The following RBKS variants were observed in gnomAD, a reference collection of about 807,000 sequenced individuals.
The protein encoded by RBKS is ribokinase.
In RBKS, 33 loss-of-function variants were observed where a neutral mutation model predicts 33.9. The ratio of observed to expected loss-of-function variants is 0.97; its 90% CI spans 0.74 to 1.30. The LOEUF is 1.30. Ranked by LOEUF, RBKS falls within the 50% of genes most tolerant of loss-of-function variation. RBKS has a pLI of 0.00. For synonymous variants in RBKS, 125 were observed against 143.0 expected (o/e 0.87, Z 0.90); for missense variants, 361 against 392.6 (o/e 0.92, Z 0.68).
chr2:27,872,519 A>C (rs575669215), intron 1 of RBKS, among the ~76,000 whole-genome samples: 1 of 152,310 alleles, frequency 6.6e-6, no homozygotes, highest in South Asian at 2.1e-4. Flanking sequence ...AAAATTAAAA[A>C]ATAAAAAAGC....
At chr2:27,838,154 C>A (rs1678564396) in intron 5 of RBKS, among the ~76,000 whole-genome samples, 1 of 152,110 alleles carries the variant, frequency 6.6e-6, no homozygotes, top group Admixed American at 6.5e-5. Context: ...GAGCTGAGAT[C>A]ATGCCACTGC....
chr2:27,793,404 A>G (rs1677575403), intron 7 of RBKS, among the ~76,000 whole-genome samples: 2 of 152,196 alleles, frequency 1.3e-5, no homozygotes, highest in South Asian at 4.1e-4. Flanking sequence ...GCTAGGCACC[A>G]CCTTAACCAA....
intron 1 of RBKS, chr2:27,861,362 C>G (rs776782082): frequency 4.8e-5 from 20 of 415,628 alleles, no homozygotes; most frequent in Non-Finnish European, 9.1e-5. Context: ...CAGGGGGAGA[C>G]TGGCAGGGAT....
chr2:27,835,919 A>C (rs1158849363), intron 5 of RBKS, among the ~76,000 whole-genome samples: 1 of 152,092 alleles, frequency 6.6e-6, no homozygotes, highest in Admixed American at 6.6e-5. Context: ...ATTACTCTTA[A>C]AACACATAGT....
intron 7 of RBKS, among the ~76,000 whole-genome samples, chr2:27,800,177 T>A (rs1677747492): frequency 6.6e-6 from 1 of 151,542 alleles, no homozygotes; most frequent in African/African-American, 2.4e-5. Flanking sequence ...TTCAGCCTCC[T>A]GAGTAGCTGG....
chr2:27,844,692 C>A lies in RBKS; in HGVS notation c.350-1461G>T, dbSNP rs77853892. ...GATTACAGGTGTGGGCTACCGTACC[C>A]AGCCAAGATAAATTTTTGATTACAC... On this transcript the variant is annotated intron_variant, in intron 4 of 7. Transcript: ENST00000302188. Among the ~76,000 whole-genome samples the A allele has an allele frequency of 6.2e-3, 950 of 152,262 alleles. 66 individuals carry two copies. In the East Asian group the frequency reaches 0.15, roughly 24 times the overall value.
intron 7 of RBKS, among the ~76,000 whole-genome samples, chr2:27,784,194 G>A (rs1245738212): frequency 3.3e-5 from 5 of 150,932 alleles, no homozygotes; most frequent in Admixed American, 1.3e-4. Context: ...CGTTTTAGCC[G>A]GGATGGTCTC....
At chr2:27,889,731 A>G (rs1382188073) in intron 1 of RBKS, among the ~76,000 whole-genome samples, 1 of 152,262 alleles carries the variant, frequency 6.6e-6, no homozygotes, top group Non-Finnish European at 1.5e-5. Flanking sequence ...AATGCCGACA[A>G]TCAACATGGT....
At chr2:27,790,486 T>A (rs1346210768) in intron 7 of RBKS, among the ~76,000 whole-genome samples, 1 of 152,136 alleles carries the variant, frequency 6.6e-6, no homozygotes, top group Non-Finnish European at 1.5e-5. Context: ...TTCAAAAGAA[T>A]ATCAAAAGAT....
At chr2:27,826,103 C>T (rs1678306221) in intron 7 of RBKS, among the ~76,000 whole-genome samples, 1 of 152,194 alleles carries the variant, frequency 6.6e-6, no homozygotes, top group African/African-American at 2.4e-5. Context: ...ACCAAGCACA[C>T]TTTATCAAAT....
At chr2:27,815,332 G>A (rs894326599) in intron 7 of RBKS, among the ~76,000 whole-genome samples, 4 of 151,998 alleles carry the variant, frequency 2.6e-5, no homozygotes, top group Non-Finnish European at 4.4e-5. Flanking sequence ...CTCAGCCTCC[G>A]AAGTAGTGGG....
intron 7 of RBKS, among the ~76,000 whole-genome samples, chr2:27,823,362 C>G (rs149756264): frequency 1.3e-5 from 2 of 152,196 alleles, no homozygotes; most frequent in South Asian, 2.1e-4. Flanking sequence ...TGACGTAGAA[C>G]GGGAAATGGC....
At chr2:27,841,743 C>T (rs925382772) in intron 5 of RBKS, among the ~76,000 whole-genome samples, 1 of 151,702 alleles carries the variant, frequency 6.6e-6, no homozygotes, top group Non-Finnish European at 1.5e-5. Flanking sequence ...CACACACACA[C>T]ACACACACAC....
intron 1 of RBKS, among the ~76,000 whole-genome samples, chr2:27,865,505 G>C (rs974880014): frequency 2.0e-5 from 3 of 150,688 alleles, no homozygotes; most frequent in African/African-American, 7.3e-5. Flanking sequence ...CTTTCTTTTG[G>C]ATTAACTGTA....
At chr2:27,793,997 T>A (rs1010231832) in intron 7 of RBKS, among the ~76,000 whole-genome samples, 16 of 152,096 alleles carry the variant, frequency 1.1e-4, no homozygotes, top group Admixed American at 2.6e-4. Context: ...AAATAAAAAA[T>A]TTTATTAAAG....
At chr2:27,835,904 A>G (rs967711379) in intron 5 of RBKS, among the ~76,000 whole-genome samples, 2 of 152,102 alleles carry the variant, frequency 1.3e-5, no homozygotes, top group African/African-American at 2.4e-5. Flanking sequence ...GTATGAGGTA[A>G]AGACATTACT....
Position 27,781,507 on chromosome 2 carries a change from A to G in RBKS, c.*108T>C. The G allele has an allele frequency of 1.2e-6, 1 of 834,322 alleles. No individual in the cohort carries two copies. The highest frequency in any genetic ancestry group is 2.7e-5 in the East Asian group (1 of 37,712). The allele number at this position is 834,322 out of a possible 1,614,324, so 51.7% of individuals were successfully genotyped here. A position where few individuals can be genotyped will look rare whatever the true frequency, so the allele number is the denominator to read the frequency against. On this transcript the variant is annotated 3_prime_UTR_variant, in exon 8 of 8. Coordinates refer to ENST00000302188, the MANE Select transcript of RBKS (RefSeq NM_022128.3). ...AGGATGACTTCGTAAAAGAACTAAT[A>G]TTTGCAAAGAAAGGGGACGAGGACA...
chr2:27,787,399 C>T (rs779777789), intron 7 of RBKS, among the ~76,000 whole-genome samples: 1 of 152,180 alleles, frequency 6.6e-6, no homozygotes, highest in Non-Finnish European at 1.5e-5. Flanking sequence ...TGTCACTGCA[C>T]TCCAGCCTGG....
intron 1 of RBKS, chr2:27,870,590 T>C (rs771865085): frequency 3.0e-5 from 11 of 360,916 alleles, no homozygotes; most frequent in East Asian, 7.4e-5. Flanking sequence ...TTTAACGTGG[T>C]TGATAATTTT....
Sources: gnomAD v4.1 joint callset for allele counts (sites outside exome capture counted in the v4.1 genomes callset) on GRCh38, gnomAD v4.1.1 for gene constraint, MANE v1.5 for transcripts, NCBI Gene and HGNC (gene_info 2026-07-23, HGNC 2026-07-21) for gene names.